Variants in THAP3 observed in about 807,000 individuals in gnomAD.
The protein encoded by THAP3 is THAP domain containing 3, also known as THAP domain-containing protein 3.
THAP3 carries 12 observed loss-of-function variants against 17.7 expected under a neutral mutation model. That is an observed-to-expected ratio of 0.68 (90% confidence interval 0.43 to 1.10). THAP3 has a LOEUF of 1.10. Ranked by LOEUF, THAP3 falls within the 50% of genes least tolerant of loss-of-function variation. THAP3 has a pLI of 0.00. For missense variants in THAP3, 289 were observed against 318.0 expected (o/e 0.91, Z 0.69); for synonymous variants, 133 against 126.9 (o/e 1.05, Z -0.32).
At chr1:6,634,317 C>A, downstream of THAP3, 1 of 1,006,226 alleles carries the variant, frequency 9.9e-7, no homozygotes, top group Non-Finnish European at 1.4e-6. Context: ...CTCACCGCGG[C>A]TCGGGCCGTG....
chr1:6,632,638 T>C, intron 5 of THAP3, 143 bp downstream of exon 5: 1 of 1,439,162 alleles, frequency 6.9e-7, no homozygotes. Context: ...CCCAGTCAAA[T>C]TCTCCACCAT....
chr1:6,635,004 AG>A, downstream of THAP3: 1 of 560,292 alleles, frequency 1.8e-6, no homozygotes, highest in Non-Finnish European at 2.6e-6. Context: ...TGTCAGGGCT[AG>A]GCCCTGGGAT....
At chr1:6,629,264 G>A (rs974654091) in intron 3 of THAP3, among the ~76,000 whole-genome samples, 1 of 152,258 alleles carries the variant, frequency 6.6e-6, no homozygotes, top group African/African-American at 2.4e-5. Flanking sequence ...CCCACGTGGA[G>A]TGGGCAGGCA....
chr1:6,633,349 TG>T lies in THAP3; in HGVS notation c.*274del, dbSNP rs1641681527. On this transcript the variant is annotated 3_prime_UTR_variant, in exon 6 of 6. Coordinates refer to ENST00000054650, the MANE Select transcript of THAP3 (RefSeq NM_001195753.2). ...CAGAAGTCCAGGCTGAGGCTGATTC[TG>T]GACGCTGTCCTTTCAGCACACGCAG... 3 of 1,344,426 alleles carry T rather than the reference TG, an allele frequency of 2.2e-6. No homozygotes were observed. The East Asian group carries it at 9.3e-5, about 41-fold the overall frequency. 83.3% of individuals were successfully genotyped at this position (1,344,426 alleles called of 1,614,324 possible). A position where few individuals can be genotyped will look rare whatever the true frequency, so the allele number is the denominator to read the frequency against.
rs768719482 is a variant in THAP3 at position 6,628,500 on chromosome 1, T to C, written c.76T>C (p.Phe26Leu). 6 of 1,609,990 alleles carry C rather than the reference T, an allele frequency of 3.7e-6. No individual in the cohort carries two copies. Among genetic ancestry groups the C allele is most frequent in the Non-Finnish European group, 5.1e-6 (6 of 1,178,354 alleles). Reference protein sequence around the residue: ...SRRKQLTFHRFPFSRPELLKE... With the variant: ...SRRKQLTFHRLPFSRPELLKE... ...CACACCCCGTGCCTCTGCCCTTAGG[T>C]TTCCGTTCAGCCGCCCGGAGCTGCT... The change falls in exon 3 of 6, where the codon TTT becomes CTT. Residue 26 changes from phenylalanine to leucine, a missense_variant and splice_region_variant. Physicochemically the swap from Phe to Leu is conservative, Grantham distance 22. Transcript: ENST00000054650.
downstream of THAP3, chr1:6,634,039 A>C (rs80089628): frequency 4.0e-3 from 6,433 of 1,613,674 alleles, 178 homozygotes; most frequent in African/African-American, 0.073. Context: ...TTTAATGTAG[A>C]AAATGGAACC....
At chr1:6,632,249 T>TA in intron 4 of THAP3, 142 bp from the exon 5 acceptor site, 1 of 1,092,184 alleles carries the variant, frequency 9.2e-7, no homozygotes, top group South Asian at 1.5e-5. Context: ...GGGTGTGTGC[T>TA]AGGGAGAAGC....
intron 2 of THAP3, among the ~76,000 whole-genome samples, chr1:6,626,980 C>T (rs1641484911): frequency 6.6e-6 from 1 of 152,230 alleles, no homozygotes; most frequent in South Asian, 2.1e-4. Context: ...GAAGTCGTTT[C>T]CTCCACTCCC....
chr1:6,631,365 C>G (rs539785480), intron 4 of THAP3, among the ~76,000 whole-genome samples: 2 of 152,072 alleles, frequency 1.3e-5, no homozygotes, highest in African/African-American at 4.8e-5. Flanking sequence ...AGGTGGCTCA[C>G]GCTTATAATC....
chr1:6,631,398 C>A (rs1018999853), intron 4 of THAP3, among the ~76,000 whole-genome samples: 1 of 152,088 alleles, frequency 6.6e-6, no homozygotes, highest in African/African-American at 2.4e-5. Context: ...GAGGCTGAGG[C>A]GGGTGGATGT....
At position 6,633,277 on chromosome 1, in the gene THAP3, T is replaced by C; in HGVS notation, c.*200T>C. 1 of 1,431,324 alleles carries C rather than the reference T, an allele frequency of 7.0e-7. No homozygotes were observed. Among genetic ancestry groups the C allele is most frequent in the South Asian group, 1.5e-5 (1 of 65,862 alleles). The allele number at this position is 1,431,324 out of a possible 1,614,324, so 88.7% of individuals were successfully genotyped here. A position where few individuals can be genotyped will look rare whatever the true frequency, so the allele number is the denominator to read the frequency against. Reference sequence around the variant, plus strand: ...TGGGGGACGTTTAGAGGCGTGGCACTAGGAGTGCACATCTGTGAGCATGAC... The same window carrying C: ...TGGGGGACGTTTAGAGGCGTGGCACCAGGAGTGCACATCTGTGAGCATGAC... On this transcript the variant is annotated 3_prime_UTR_variant, in exon 6 of 6. Coordinates refer to ENST00000054650, the MANE Select transcript of THAP3 (RefSeq NM_001195753.2).
intron 2 of THAP3, 151 bp downstream of exon 2, chr1:6,625,443 C>T: frequency 6.7e-6 from 3 of 446,174 alleles, no homozygotes; most frequent in Non-Finnish European, 6.6e-6. Flanking sequence ...GGGGCTGGCG[C>T]CGCCGCGCCC....
At chr1:6,634,711 A>C (rs762162388), downstream of THAP3, 58 of 1,363,940 alleles carry the variant, frequency 4.3e-5, no homozygotes, top group African/African-American at 3.1e-4. Flanking sequence ...GGTCTGAAGG[A>C]AGGCTCCGGA....
rs1476165840 is a variant in THAP3, at chr1:6,624,902, T to C, written c.-122T>C. 2.7e-5 allele frequency: 11 copies of C among 400,488 alleles called. No individual in the cohort carries two copies. Among genetic ancestry groups the C allele is most frequent in the African/African-American group, 2.2e-5 (1 of 45,970 alleles). 24.8% of individuals were successfully genotyped at this position (400,488 alleles called of 1,614,324 possible). On this transcript the variant is annotated 5_prime_UTR_variant, in exon 1 of 6. Coordinates refer to ENST00000054650, the MANE Select transcript of THAP3 (RefSeq NM_001195753.2). ...CAAGCCTGTGAGTGGCTATGCGTCCTGGTTGGGTGCTCAAAGCAAGGAGGT... is the reference window on the plus strand; with the variant it reads ...CAAGCCTGTGAGTGGCTATGCGTCCCGGTTGGGTGCTCAAAGCAAGGAGGT...
At chr1:6,630,199 A>G (rs1641570241) in intron 3 of THAP3, 89 bp from the exon 4 acceptor site, 2 of 1,161,194 alleles carry the variant, frequency 1.7e-6, no homozygotes, top group Non-Finnish European at 2.6e-6. Context: ...CAGTGGGCCG[A>G]GCAGCGGGGA....
chr1:6,628,251 C>A, intron 2 of THAP3: 1 of 472,598 alleles, frequency 2.1e-6, no homozygotes, highest in Non-Finnish European at 3.7e-6. Context: ...AGGCTCCTGG[C>A]AAATGTAGCA....
At chr1:6,632,736 C>A in intron 5 of THAP3, 60 bp from the exon 6 acceptor site, 1 of 1,598,938 alleles carries the variant, frequency 6.3e-7, no homozygotes, top group South Asian at 1.1e-5. Context: ...GTGGCCTGCT[C>A]ACCATGGCCC....
At position 6,625,188 on chromosome 1, in the gene THAP3, C is replaced by T. The variant is rs955208482; in HGVS notation, c.-31C>T. The T allele has an allele frequency of 6.5e-7, 1 of 1,533,758 alleles. No homozygotes were observed. Among genetic ancestry groups the T allele is most frequent in the Non-Finnish European group, 8.8e-7 (1 of 1,142,854 alleles). The stretch of plus-strand genomic sequence containing the variant: ...CCGCAGGCCCCGCCGCCGCCGCCAT[C>T]TTTGTTGGGGGCAGCCAGGCCTGGC... On this transcript the variant is annotated 5_prime_UTR_variant, in exon 2 of 6. Transcript: ENST00000054650.
At chr1:6,635,053 G>A (rs1641735483), downstream of THAP3, 1 of 256,246 alleles carries the variant, frequency 3.9e-6, no homozygotes, top group African/African-American at 2.2e-5. Flanking sequence ...CGAGGGGGCC[G>A]GTGGAATGAC....
Sources: allele counts gnomAD v4.1 joint callset (sites outside exome capture counted in the v4.1 genomes callset), GRCh38; gene constraint gnomAD v4.1.1; transcripts MANE v1.5; gene names NCBI Gene and HGNC (gene_info 2026-07-23, HGNC 2026-07-21).